LIN28B: variants seen among roughly 807,000 people sequenced by gnomAD.
LIN28B encodes the protein lin-28 RNA binding posttranscriptional regulator B.
Under a neutral mutation model 21.9 loss-of-function variants are expected in LIN28B, and 5 were observed. The observed-to-expected ratio is 0.23, with a 90% CI of 0.12 to 0.48. The LOEUF (loss-of-function observed/expected upper bound fraction) is 0.48, where lower values mean the gene tolerates loss of function less well. Ranked by LOEUF, LIN28B falls within the 20% of genes least tolerant of loss-of-function variation. The pLI is 0.98. For synonymous variants in LIN28B, 109 were observed against 111.3 expected, an observed-to-expected ratio of 0.98 and a Z score of 0.13; for missense variants, 245 against 310.5, an observed-to-expected ratio of 0.79 and a Z score of 1.58.
At chr6:104,942,388 A>G (rs1778107072) in intron 2 of LIN28B, among the ~76,000 whole-genome samples, 1 of 152,154 alleles carries the variant, frequency 6.6e-6, no homozygotes, top group Admixed American at 6.5e-5. Context: ...TAAAAAGCAC[A>G]TTTTTACGTC....
At chr6:104,993,484 A>G (rs1475763789) in intron 2 of LIN28B, among the ~76,000 whole-genome samples, 1 of 152,068 alleles carries the variant, frequency 6.6e-6, no homozygotes, top group Admixed American at 6.5e-5. Flanking sequence ...AAAACAAAAC[A>G]AGATTTTATT....
At chr6:105,048,422 A>C (rs1771816990) in intron 3 of LIN28B, among the ~76,000 whole-genome samples, 2 of 152,214 alleles carry the variant, frequency 1.3e-5, no homozygotes, top group African/African-American at 4.8e-5. Context: ...TCGGTTTGCC[A>C]GTATTTTATT....
chr6:104,945,741 A>G (rs1409726447), intron 2 of LIN28B, among the ~76,000 whole-genome samples: 1 of 152,144 alleles, frequency 6.6e-6, no homozygotes, highest in Non-Finnish European at 1.5e-5. Context: ...CAAACACATT[A>G]GCAAAACTAA....
At chr6:104,992,483 GTT>G (rs1491136399) in intron 2 of LIN28B, among the ~76,000 whole-genome samples, 4 of 114,556 alleles carry the variant, frequency 3.5e-5, no homozygotes, top group South Asian at 3.1e-4. Context: ...TTAAGTTTCT[GTT>G]GTGTGTGTGT....
At chr6:105,014,654 T>C (rs1770991735) in intron 2 of LIN28B, among the ~76,000 whole-genome samples, 1 of 152,108 alleles carries the variant, frequency 6.6e-6, no homozygotes, top group South Asian at 2.1e-4. Context: ...AGGGTTTTAC[T>C]GTGTTTCCCA....
At chr6:105,013,918 A>T (rs573670405) in intron 2 of LIN28B, among the ~76,000 whole-genome samples, 202 of 151,776 alleles carry the variant, frequency 1.3e-3, no homozygotes, top group Non-Finnish European at 2.2e-3. Context: ...GCCCTCTTTG[A>T]TTCCTGATTT....
chr6:105,043,582 T>C (rs575356299), intron 3 of LIN28B, among the ~76,000 whole-genome samples: 1 of 150,820 alleles, frequency 6.6e-6, no homozygotes, highest in East Asian at 1.9e-4. Flanking sequence ...GATTTTTTTG[T>C]TTATGGTTTT....
At chr6:105,072,944 T>C (rs1158566601) in intron 3 of LIN28B, among the ~76,000 whole-genome samples, 1 of 152,186 alleles carries the variant, frequency 6.6e-6, no homozygotes, top group Non-Finnish European at 1.5e-5. Flanking sequence ...ATTTAGATTG[T>C]GTAGAATCAG....
intron 2 of LIN28B, among the ~76,000 whole-genome samples, chr6:104,965,904 A>C (rs989847812): frequency 6.6e-6 from 1 of 152,210 alleles, no homozygotes; most frequent in African/African-American, 2.4e-5. Flanking sequence ...GTTAATAATT[A>C]TTTAATCTTT....
intron 3 of LIN28B, among the ~76,000 whole-genome samples, chr6:105,053,382 G>GGTGTGTGTGTGTGT (rs112180054): frequency 1.4e-5 from 2 of 146,638 alleles, no homozygotes; most frequent in Non-Finnish European, 3.0e-5. Flanking sequence ...TATGTCTTAT[G>GGTGTGTGTGTGTGT]GTGTGTGTGT....
At chr6:105,028,185 C>T (rs1384198345) in intron 3 of LIN28B, among the ~76,000 whole-genome samples, 1 of 152,050 alleles carries the variant, frequency 6.6e-6, no homozygotes, top group Non-Finnish European at 1.5e-5. Context: ...GGGTTGGAAT[C>T]AGTATGTGAG....
At chr6:104,979,047 CATTTAAG>C (rs1354562670) in intron 2 of LIN28B, among the ~76,000 whole-genome samples, 12 of 152,036 alleles carry the variant, frequency 7.9e-5, no homozygotes, top group Admixed American at 3.9e-4. Context: ...ACCAGTAAGT[CATTTAAG>C]ATTTAAGTAA....
intron 2 of LIN28B, among the ~76,000 whole-genome samples, chr6:104,945,752 CTG>C (rs548920473): frequency 6.6e-5 from 10 of 152,218 alleles, no homozygotes; most frequent in South Asian, 2.1e-4. Context: ...GCAAAACTAA[CTG>C]TGCTGTGGCT....
At chr6:104,975,427 C>T (rs1326251397) in intron 2 of LIN28B, among the ~76,000 whole-genome samples, 2 of 152,024 alleles carry the variant, frequency 1.3e-5, no homozygotes. Context: ...CCACTACTAC[C>T]AATCCCTAGG....
Position 105,078,782 on chromosome 6 carries a change from A to G in LIN28B, c.752A>G (p.Ter251=), listed in dbSNP as rs1772483625. 4 of 1,611,538 alleles carry G rather than the reference A, an allele frequency of 2.5e-6. No homozygotes were observed. The East Asian group carries it at 8.9e-5, about 36-fold the overall frequency. Residue 251 remains the stop codon, a stop_retained_variant, in exon 4 of 4, where the codon TAA becomes TGA. Transcript: ENST00000345080. Reference sequence around the variant, plus strand: ...TCAGTTCAAAAAAGGAAAAAGACATAACAGGTCTTCTTCATATGTTCTTTC... The same window carrying G: ...TCAGTTCAAAAAAGGAAAAAGACATGACAGGTCTTCTTCATATGTTCTTTC... ...GPSVQKRKKT[*]
chr6:105,031,737 G>A lies in LIN28B; in HGVS notation c.383+5255G>A, dbSNP rs562314368. On this transcript the variant is annotated intron_variant, in intron 3 of 3. Transcript: ENST00000345080. Reference sequence around the variant, plus strand: ...TTTTTAGTAGAGACGGAGTTTCACCGTGTTAGCCAGGATGGTCTCAATCTC... The same window carrying A: ...TTTTTAGTAGAGACGGAGTTTCACCATGTTAGCCAGGATGGTCTCAATCTC... 1.1e-4 allele frequency among the ~76,000 whole-genome samples: 17 copies of A among 152,022 alleles called. No individual in the cohort carries two copies. The South Asian group carries it at 2.3e-3, about 20-fold the overall frequency.
intron 2 of LIN28B, among the ~76,000 whole-genome samples, chr6:105,003,392 A>G (rs145804713): frequency 4.6e-3 from 702 of 152,344 alleles, no homozygotes; most frequent in Non-Finnish European, 7.8e-3. Flanking sequence ...TTGGCTAGGT[A>G]GAAAGTTTGG....
chr6:104,998,586 G>A (rs1166370387), intron 2 of LIN28B, among the ~76,000 whole-genome samples: 4 of 151,836 alleles, frequency 2.6e-5, no homozygotes, highest in Admixed American at 6.6e-5. Flanking sequence ...ATTTCTTCTT[G>A]TCCATTCATT....
chr6:105,025,078 CTTG>C (rs954034715), intron 2 of LIN28B, among the ~76,000 whole-genome samples: 4 of 151,720 alleles, frequency 2.6e-5, no homozygotes, highest in African/African-American at 4.8e-5. Flanking sequence ...TTCTCGTGGT[CTTG>C]TTGTTACTCA....
Sources: allele counts gnomAD v4.1 joint callset (sites outside exome capture counted in the v4.1 genomes callset), GRCh38; gene constraint gnomAD v4.1.1; transcripts MANE v1.5; gene names NCBI Gene and HGNC (gene_info 2026-07-23, HGNC 2026-07-21).